Variants in ZNF704 observed in about 807,000 individuals in gnomAD.
ZNF704 encodes the protein zinc finger protein 704, also known as glucocorticoid induced gene 1.
Under a neutral mutation model 44.7 loss-of-function variants are expected in ZNF704, and 10 were observed. The ratio of observed to expected loss-of-function variants is 0.22; its 90% CI spans 0.14 to 0.38. The LOEUF is 0.38. Ranked by LOEUF, ZNF704 falls within the 10% of genes least tolerant of loss-of-function variation. The pLI is 1.00. For missense variants in ZNF704, 390 were observed against 545.5 expected, an observed-to-expected ratio of 0.71 and a Z score of 2.84; for synonymous variants, 211 against 207.6, an observed-to-expected ratio of 1.02 and a Z score of -0.14.
rs1180191788 is a variant in ZNF704, at chr8:80,844,425, G to A, written c.-21-22810C>T. ...CTCTGGCCTCTTCTTTTAAGCACACGAACCCCATTCATGAGAGTTTCACCC... is the reference window on the plus strand; with the variant it reads ...CTCTGGCCTCTTCTTTTAAGCACACAAACCCCATTCATGAGAGTTTCACCC... On this transcript the variant is annotated intron_variant, in intron 1 of 8. Coordinates refer to ENST00000327835, the MANE Select transcript of ZNF704 (RefSeq NM_001033723.3). Among the ~76,000 whole-genome samples, 4 of 152,018 alleles carry A rather than the reference G, an allele frequency of 2.6e-5. No individual in the cohort carries two copies. The East Asian group carries it at 7.7e-4, about 29-fold the overall frequency.
chr8:80,739,755 A>G (rs1172313529), intron 2 of ZNF704, among the ~76,000 whole-genome samples: 1 of 152,204 alleles, frequency 6.6e-6, no homozygotes, highest in Non-Finnish European at 1.5e-5. Context: ...ACTGAATGCT[A>G]ATAGGGCTTG....
intron 2 of ZNF704, among the ~76,000 whole-genome samples, chr8:80,731,085 T>G (rs2131680787): frequency 6.6e-6 from 1 of 152,350 alleles, no homozygotes; most frequent in Admixed American, 6.5e-5. Context: ...TGCCACCAAA[T>G]TGACATTTGA....
At position 80,680,724 on chromosome 8, in the gene ZNF704, C is replaced by T. The variant is rs1818439669; in HGVS notation, c.558+6502G>A. Among the ~76,000 whole-genome samples the T allele has an allele frequency of 1.3e-5, 2 of 152,202 alleles. 1 individual carries two copies. Among genetic ancestry groups the T allele is most frequent in the South Asian group, 4.1e-4 (2 of 4,828 alleles). On this transcript the variant is annotated intron_variant, in intron 4 of 8. Coordinates refer to ENST00000327835, the MANE Select transcript of ZNF704 (RefSeq NM_001033723.3). Reference sequence around the variant, plus strand: ...GTTACCTCATGCTACCTCACGGTTACACAGTATACATGTTGCCTTACCTTT... The same window carrying T: ...GTTACCTCATGCTACCTCACGGTTATACAGTATACATGTTGCCTTACCTTT...
intron 2 of ZNF704, among the ~76,000 whole-genome samples, chr8:80,755,326 G>A (rs1260673933): frequency 6.6e-6 from 1 of 152,134 alleles, no homozygotes; most frequent in African/African-American, 2.4e-5. Flanking sequence ...GTGGTGGTGG[G>A]TGCCTGTAAT....
chr8:80,737,354 G>T (rs543814928), intron 2 of ZNF704, among the ~76,000 whole-genome samples: 1 of 152,276 alleles, frequency 6.6e-6, no homozygotes, highest in African/African-American at 2.4e-5. Context: ...TTATAAAAAG[G>T]CTCACTGACA....
At chr8:80,654,748 G>A (rs1163329297) in intron 7 of ZNF704, among the ~76,000 whole-genome samples, 1 of 152,216 alleles carries the variant, frequency 6.6e-6, no homozygotes, top group Non-Finnish European at 1.5e-5. Flanking sequence ...TGGTGGGACT[G>A]TAAACTAGTT....
chr8:80,841,045 C>T (rs188845587), intron 1 of ZNF704, among the ~76,000 whole-genome samples: 2 of 152,272 alleles, frequency 1.3e-5, no homozygotes, highest in Admixed American at 6.5e-5. Context: ...GAGAGAAGTC[C>T]AACCACATCA....
chr8:80,771,353 T>C (rs1254821354), intron 2 of ZNF704, among the ~76,000 whole-genome samples: 1 of 152,156 alleles, frequency 6.6e-6, no homozygotes, highest in East Asian at 1.9e-4. Context: ...TGTCTCTCCA[T>C]TTATTTATAT....
rs1453189222 is a variant in ZNF704 at position 80,645,253 on chromosome 8, C to A, written c.1033-2124G>T. On this transcript the variant is annotated intron_variant, in intron 7 of 8. Coordinates refer to ENST00000327835, the MANE Select transcript of ZNF704 (RefSeq NM_001033723.3). ...TGTTTCAACTAATTAATCAGTATTGCCATATGTAGGAGGATAGACATTTAA... is the reference window on the plus strand; with the variant it reads ...TGTTTCAACTAATTAATCAGTATTGACATATGTAGGAGGATAGACATTTAA... The A allele has an allele frequency of 2.2e-6, 3 of 1,347,386 alleles. No homozygotes were observed. In the African/African-American group the frequency reaches 4.4e-5, roughly 20 times the overall value. 83.5% of individuals were successfully genotyped at this position (1,347,386 alleles called of 1,614,324 possible). A position where few individuals can be genotyped will look rare whatever the true frequency, so the allele number is the denominator to read the frequency against.
Position 80,641,326 on chromosome 8 carries a change from G to C in ZNF704, c.*40C>G. On this transcript the variant is annotated 3_prime_UTR_variant, in exon 9 of 9. Transcript: ENST00000327835. Reference sequence around the variant, plus strand: ...CACCTGCAGTGGCAGGCCAGGGCAGGAGCGGCTCAGGGCCCTGAGCCCCTC... The same window carrying C: ...CACCTGCAGTGGCAGGCCAGGGCAGCAGCGGCTCAGGGCCCTGAGCCCCTC... 7.3e-7 allele frequency: 1 copy of C among 1,365,136 alleles called. No individual in the cohort carries two copies. Among genetic ancestry groups the C allele is most frequent in the African/African-American group, 1.4e-5 (1 of 69,134 alleles). 84.6% of individuals were successfully genotyped at this position (1,365,136 alleles called of 1,614,324 possible).
chr8:80,794,975 GCA>G (rs1297643105), intron 2 of ZNF704, among the ~76,000 whole-genome samples: 1 of 152,172 alleles, frequency 6.6e-6, no homozygotes, highest in Admixed American at 6.5e-5. Flanking sequence ...ATGAAGCATT[GCA>G]CAGAGACAGA....
At chr8:80,855,490 T>A (rs1413503837) in intron 1 of ZNF704, among the ~76,000 whole-genome samples, 1 of 151,866 alleles carries the variant, frequency 6.6e-6, no homozygotes, top group African/African-American at 2.4e-5. Context: ...GACATGGGGG[T>A]CATTATCATA....
chr8:80,758,875 G>A (rs1807082034), intron 2 of ZNF704, among the ~76,000 whole-genome samples: 1 of 152,106 alleles, frequency 6.6e-6, no homozygotes. Flanking sequence ...TGCCTTAGAT[G>A]TAATAAAATA....
At chr8:80,686,341 T>A (rs1206294042) in intron 4 of ZNF704, among the ~76,000 whole-genome samples, 3 of 152,230 alleles carry the variant, frequency 2.0e-5, no homozygotes, top group Non-Finnish European at 4.4e-5. Flanking sequence ...TCAATTAATT[T>A]GCTAAATCAA....
intron 1 of ZNF704, among the ~76,000 whole-genome samples, chr8:80,830,445 G>T (rs1441782986): frequency 2.0e-5 from 3 of 152,176 alleles, no homozygotes; most frequent in Non-Finnish European, 4.4e-5. Flanking sequence ...ATAGAAAGCA[G>T]ATCAGTGATT....
intron 2 of ZNF704, among the ~76,000 whole-genome samples, chr8:80,696,467 G>C (rs1483979458): frequency 6.6e-6 from 1 of 152,124 alleles, no homozygotes; most frequent in Non-Finnish European, 1.5e-5. Flanking sequence ...ACCCAGGCTG[G>C]AGTGCAGTGG....
At chr8:80,802,049 C>T (rs1467257658) in intron 2 of ZNF704, among the ~76,000 whole-genome samples, 1 of 152,036 alleles carries the variant, frequency 6.6e-6, no homozygotes, top group African/African-American at 2.4e-5. Flanking sequence ...ATAAACACCT[C>T]TATGCACATA....
At chr8:80,846,593 A>C (rs1429897626) in intron 1 of ZNF704, among the ~76,000 whole-genome samples, 2 of 152,184 alleles carry the variant, frequency 1.3e-5, no homozygotes, top group African/African-American at 4.8e-5. Flanking sequence ...GCTCTCAAAG[A>C]AGGAGGTATT....
chr8:80,746,752 A>G (rs1252048875), intron 2 of ZNF704, among the ~76,000 whole-genome samples: 1 of 152,200 alleles, frequency 6.6e-6, no homozygotes, highest in African/African-American at 2.4e-5. Context: ...TAGCAAACTC[A>G]GTCCTGGGTG....
Sources: allele counts gnomAD v4.1 joint callset (sites outside exome capture counted in the v4.1 genomes callset), GRCh38; gene constraint gnomAD v4.1.1; transcripts MANE v1.5; gene names NCBI Gene and HGNC (gene_info 2026-07-23, HGNC 2026-07-21).